The following GRK3 variants were observed in gnomAD, a reference collection of about 807,000 sequenced individuals.
GRK3 encodes the protein adrenergic, beta, receptor kinase 2.
Under a neutral mutation model 95.7 loss-of-function variants are expected in GRK3, and 54 were observed. The ratio of observed to expected loss-of-function variants is 0.56; its 90% CI spans 0.45 to 0.71. The LOEUF is 0.71. Among genes scored for constraint, GRK3 ranks in the 30% least tolerant of loss-of-function variants. The pLI, the probability that GRK3 is intolerant of heterozygous loss-of-function variation, is 0.00. For synonymous variants in GRK3, 281 were observed against 290.8 expected, an observed-to-expected ratio of 0.97 and a Z score of 0.34; for missense variants, 649 against 851.2, an observed-to-expected ratio of 0.76 and a Z score of 2.96.
chr22:25,572,668 GGTATCAGT>G (rs1931747568), intron 1 of GRK3, among the ~76,000 whole-genome samples: 2 of 152,104 alleles, frequency 1.3e-5, no homozygotes. Context: ...CTGGGATGGT[GGTATCAGT>G]GCCTAAGAGT....
intron 19 of GRK3, among the ~76,000 whole-genome samples, chr22:25,719,821 A>C (rs2085417283): frequency 6.6e-6 from 1 of 152,202 alleles, no homozygotes; most frequent in Non-Finnish European, 1.5e-5. Flanking sequence ...GAAGTGTGGA[A>C]AACAGGGCAC....
In GRK3 at chr22:25,690,178, T is replaced by C. The variant is rs3730313; in HGVS notation, c.958-11T>C. 333 of 1,609,896 alleles carry C rather than the reference T, an allele frequency of 2.1e-4. 1 individual carries two copies. The African/African-American group carries it at 4.1e-3, about 20-fold the overall frequency. ...GGCACTCTTATTAAAGATTATTCTC[T>C]TTCTGTTTAGCCAGCAAATATTCTC... is the stretch of plus-strand genomic sequence containing the variant. On this transcript the variant is annotated splice_polypyrimidine_tract_variant and intron_variant, in intron 11 of 20. Coordinates refer to ENST00000324198, the MANE Select transcript of GRK3 (RefSeq NM_005160.4).
intron 1 of GRK3, among the ~76,000 whole-genome samples, chr22:25,568,062 G>T (rs1440456685): frequency 6.6e-6 from 1 of 152,240 alleles, no homozygotes; most frequent in African/African-American, 2.4e-5. Flanking sequence ...CTGAAATGTT[G>T]TTGAGCTAAT....
At chr22:25,605,621 A>ACAGTT (rs1413219237) in intron 2 of GRK3, among the ~76,000 whole-genome samples, 1 of 152,260 alleles carries the variant, frequency 6.6e-6, no homozygotes, top group Non-Finnish European at 1.5e-5. Context: ...TTGAAAGTAA[A>ACAGTT]CAGTTGAGTG....
At chr22:25,578,987 G>C (rs1932005581) in intron 1 of GRK3, among the ~76,000 whole-genome samples, 1 of 151,994 alleles carries the variant, frequency 6.6e-6, no homozygotes. Context: ...AGACAGAAGA[G>C]AACACCTCAT....
At position 25,647,346 on chromosome 22, in the gene GRK3, G is replaced by A. The variant is rs907125238; in HGVS notation, c.264+2681G>A. On this transcript the variant is annotated intron_variant, in intron 3 of 20. Coordinates refer to ENST00000324198, the MANE Select transcript of GRK3 (RefSeq NM_005160.4). ...CCAGAGCCTGTCAGTACAAGGGTGA[G>A]CCATGGGAGCAGAACCCACTGCAGT... is the stretch of plus-strand genomic sequence containing the variant. 6 of 1,271,036 alleles carry A rather than the reference G, an allele frequency of 4.7e-6. No homozygotes were observed. In the South Asian group the frequency reaches 7.1e-5, roughly 15 times the overall value. The allele number at this position is 1,271,036 out of a possible 1,614,324, so 78.7% of individuals were successfully genotyped here.
chr22:25,678,831 CT>C lies in GRK3; in HGVS notation c.665del (p.Leu222Ter). ...ATGTTTCTAGGTATGCAATGAAATG[CT>C]TAGATAAGAAGAGGATCAAAATGAA... ...DTGKMYAMKC[L>X]DKKRIKMKQG... On this transcript the variant is annotated frameshift_variant, in exon 9 of 21. Transcript: ENST00000324198. LOFTEE classifies it high-confidence loss of function. 1 of 1,593,820 alleles carries C rather than the reference CT, an allele frequency of 6.3e-7. No homozygotes were observed. Among genetic ancestry groups the C allele is most frequent in the Non-Finnish European group, 8.6e-7 (1 of 1,166,456 alleles).
chr22:25,652,927 C>T (rs2084844680), intron 3 of GRK3, among the ~76,000 whole-genome samples: 2 of 152,154 alleles, frequency 1.3e-5, no homozygotes, highest in Non-Finnish European at 2.9e-5. Flanking sequence ...CAATAGGCTA[C>T]ATCATACGGC....
At chr22:25,716,928 C>G (rs114555915) in intron 18 of GRK3, among the ~76,000 whole-genome samples, 1 of 152,122 alleles carries the variant, frequency 6.6e-6, no homozygotes, top group Non-Finnish European at 1.5e-5. Flanking sequence ...GAACTGCGCA[C>G]GTGAGGGATC....
intron 2 of GRK3, among the ~76,000 whole-genome samples, chr22:25,620,955 G>A (rs1001923749): frequency 6.6e-6 from 1 of 152,200 alleles, no homozygotes; most frequent in Non-Finnish European, 1.5e-5. Context: ...GTAGCCACTC[G>A]GGACTGAAGC....
rs2085473075 is a variant in GRK3, at chr22:25,726,242, G to C, written c.*3792G>C. 6.6e-6 allele frequency: 1 copy of C among 152,136 alleles called. No homozygotes were observed. Among genetic ancestry groups the C allele is most frequent in the Non-Finnish European group, 1.5e-5 (1 of 68,022 alleles). The allele number at this position is 152,136 out of a possible 1,614,324, so 9.4% of individuals were successfully genotyped here. On this transcript the variant is annotated 3_prime_UTR_variant, in exon 21 of 21. Coordinates refer to ENST00000324198, the MANE Select transcript of GRK3 (RefSeq NM_005160.4). ...AATTTCACTCGGAATTTGTAGCTGGGCCAATTCAACACATTTTACTTTTCA... is the reference window on the plus strand; with the variant it reads ...AATTTCACTCGGAATTTGTAGCTGGCCCAATTCAACACATTTTACTTTTCA...
chr22:25,642,415 A>G (rs113320947), intron 2 of GRK3, among the ~76,000 whole-genome samples: 1 of 152,212 alleles, frequency 6.6e-6, no homozygotes, highest in Non-Finnish European at 1.5e-5. Context: ...CCTGGGCGAC[A>G]GAGCAAGACT....
At chr22:25,627,487 G>A (rs898053468) in intron 2 of GRK3, among the ~76,000 whole-genome samples, 1 of 152,158 alleles carries the variant, frequency 6.6e-6, no homozygotes, top group Non-Finnish European at 1.5e-5. Context: ...TTTGAGCACT[G>A]ATTCATTCTT....
At chr22:25,599,280 ACT>A (rs2084392550) in intron 1 of GRK3, among the ~76,000 whole-genome samples, 1 of 152,114 alleles carries the variant, frequency 6.6e-6, no homozygotes, top group Admixed American at 6.5e-5. Context: ...CAAATTATAG[ACT>A]CTGAGAAAAT....
intron 1 of GRK3, among the ~76,000 whole-genome samples, chr22:25,585,313 AATGTG>A (rs1932263032): frequency 6.6e-6 from 1 of 152,270 alleles, no homozygotes; most frequent in South Asian, 2.1e-4. Flanking sequence ...GAGGTTGGGA[AATGTG>A]ATGTGAATCT....
intron 13 of GRK3, among the ~76,000 whole-genome samples, chr22:25,698,404 C>G (rs2085228401): frequency 6.6e-6 from 1 of 152,148 alleles, no homozygotes; most frequent in South Asian, 2.1e-4. Context: ...GCTGTGCTAA[C>G]TTTGACAGTA....
chr22:25,716,782 C>T (rs1228293002), intron 18 of GRK3, among the ~76,000 whole-genome samples: 4 of 152,204 alleles, frequency 2.6e-5, no homozygotes, highest in Non-Finnish European at 4.4e-5. Context: ...TCCCAACCCC[C>T]AGTGGGGAGG....
intron 2 of GRK3, among the ~76,000 whole-genome samples, chr22:25,610,563 C>T (rs1157724881): frequency 1.3e-5 from 2 of 152,158 alleles, no homozygotes; most frequent in East Asian, 1.9e-4. Flanking sequence ...GTTGTGCCCC[C>T]GTCACCACAA....
intron 1 of GRK3, among the ~76,000 whole-genome samples, chr22:25,593,377 T>C (rs1932565195): frequency 6.6e-6 from 1 of 151,950 alleles, no homozygotes; most frequent in South Asian, 2.1e-4. Context: ...TCTTTCTTTC[T>C]TTTTTTAAAT....
Sources: gnomAD v4.1 joint callset for allele counts (sites outside exome capture counted in the v4.1 genomes callset) on GRCh38, gnomAD v4.1.1 for gene constraint, MANE v1.5 for transcripts, NCBI Gene and HGNC (gene_info 2026-07-23, HGNC 2026-07-21) for gene names.